PSD3: variants seen among roughly 807,000 people sequenced by gnomAD.
PSD3 encodes PH and SEC7 domain-containing protein 3.
In PSD3, 49 loss-of-function variants were observed where a neutral mutation model predicts 105.5. The ratio of observed to expected loss-of-function variants is 0.46; its 90% CI spans 0.37 to 0.59. The LOEUF is 0.59. Among genes scored for constraint, PSD3 ranks in the 20% least tolerant of loss-of-function variants. The pLI, the probability that PSD3 is intolerant of heterozygous loss-of-function variation, is 0.00. For missense variants in PSD3, 1,561 were observed against 1,263.8 expected (o/e 1.24, Z -3.57); for synonymous variants, 557 against 457.8 (o/e 1.22, Z -2.77).
At chr8:18,570,460 T>C (rs1439910752) in intron 14 of PSD3, among the ~76,000 whole-genome samples, 2 of 140,040 alleles carry the variant, frequency 1.4e-5, no homozygotes, top group African/African-American at 2.7e-5. Context: ...AAACACAAAA[T>C]TGACAAATGG....
chr8:19,073,588 G>T, intron 1 of PSD3, among the ~76,000 whole-genome samples: 1 of 133,852 alleles, frequency 7.5e-6, no homozygotes, highest in South Asian at 2.3e-4. Flanking sequence ...AAAAAAGATA[G>T]GCCTAAGAGG....
chr8:18,859,340 G>C (rs1361361643), intron 4 of PSD3, among the ~76,000 whole-genome samples: 2 of 150,080 alleles, frequency 1.3e-5, no homozygotes, highest in African/African-American at 4.9e-5. Flanking sequence ...TCCATTCCTA[G>C]AGCACAGGCA....
In PSD3 at chr8:19,083,445, C is replaced by T. The variant is rs573615578; in HGVS notation, c.324+761G>A. On this transcript the variant is annotated intron_variant, in intron 1 of 1. Coordinates refer to the PSD3 transcript ENST00000521475. ...AGCCCGTAGAGCTGGAAACAGGAGC[C>T]CACAGAGCTGGAAAAGACCTTGGAG... 2.0e-5 allele frequency among the ~76,000 whole-genome samples: 3 copies of T among 152,268 alleles called. No individual in the cohort carries two copies. In the South Asian group the frequency reaches 6.2e-4, roughly 32 times the overall value.
At chr8:19,067,288 T>C (rs902791846) in intron 1 of PSD3, among the ~76,000 whole-genome samples, 1 of 152,160 alleles carries the variant, frequency 6.6e-6, no homozygotes, top group African/African-American at 2.4e-5. Context: ...TGGTACAGTA[T>C]GTTCATATCT....
chr8:18,612,602 C>T (rs1470938131), intron 11 of PSD3, among the ~76,000 whole-genome samples: 2 of 152,098 alleles, frequency 1.3e-5, no homozygotes, highest in Non-Finnish European at 2.9e-5. Context: ...GATCTCCTGA[C>T]CTCGTGATCC....
chr8:18,867,032 C>T (rs1816995231), intron 4 of PSD3, among the ~76,000 whole-genome samples: 1 of 152,094 alleles, frequency 6.6e-6, no homozygotes, highest in African/African-American at 2.4e-5. Flanking sequence ...AAATAACAGG[C>T]ATGGTGGATA....
chr8:18,616,341 G>C (rs1367001162), intron 11 of PSD3, among the ~76,000 whole-genome samples: 1 of 152,220 alleles, frequency 6.6e-6, no homozygotes, highest in East Asian at 1.9e-4. Context: ...TGGCCTTTCA[G>C]AGGCCCTGCA....
At chr8:18,586,500 A>T (rs577121423) in intron 12 of PSD3, among the ~76,000 whole-genome samples, 26 of 152,316 alleles carry the variant, frequency 1.7e-4, no homozygotes, top group African/African-American at 6.3e-4. Flanking sequence ...CTGATGAGCA[A>T]CTAATAATGA....
rs201941378 is a variant in PSD3 at position 18,770,419 on chromosome 8, GTCTTT to G, written c.2083-4886_2083-4882del. The stretch of plus-strand genomic sequence containing the variant: ...AAAAATATCTTTTCCCATTCTGTGG[GTCTTT>G]TCATTTTTTTCCTTTCACTTTCTTG... On this transcript the variant is annotated intron_variant, in intron 8 of 15. Transcript: ENST00000327040. Among the ~76,000 whole-genome samples, 271 of 151,936 alleles carry G rather than the reference GTCTTT, an allele frequency of 1.8e-3. 5 individuals are homozygous for G. The South Asian group carries it at 0.02, about 11-fold the overall frequency.
intron 2 of PSD3, among the ~76,000 whole-genome samples, chr8:18,902,088 A>G (rs1477611020): frequency 6.6e-6 from 1 of 152,194 alleles, no homozygotes; most frequent in African/African-American, 2.4e-5. Context: ...CTAGATGTCC[A>G]TATCTCTCCC....
intron 11 of PSD3, among the ~76,000 whole-genome samples, chr8:18,622,663 T>C (rs1806198651): frequency 6.6e-6 from 1 of 152,210 alleles, no homozygotes; most frequent in Non-Finnish European, 1.5e-5. Context: ...AATGGTGAAA[T>C]AATTACCACA....
At chr8:18,891,520 G>GT (rs1447690900) in intron 2 of PSD3, among the ~76,000 whole-genome samples, 2 of 151,922 alleles carry the variant, frequency 1.3e-5, no homozygotes, top group Non-Finnish European at 2.9e-5. Flanking sequence ...CTAACCTACA[G>GT]TATCCATTCA....
chr8:18,990,348 C>T (rs1411246126), intron 1 of PSD3, among the ~76,000 whole-genome samples: 1 of 152,198 alleles, frequency 6.6e-6, no homozygotes, highest in Non-Finnish European at 1.5e-5. Context: ...ATTCCTACCG[C>T]TCCACCCACT....
At chr8:18,576,765 G>C (rs1223440202) in intron 12 of PSD3, among the ~76,000 whole-genome samples, 1 of 152,048 alleles carries the variant, frequency 6.6e-6, no homozygotes, top group Non-Finnish European at 1.5e-5. Flanking sequence ...GGAATGAGGA[G>C]AAATGATGAG....
At chr8:18,780,800 T>C (rs939371818) in intron 8 of PSD3, among the ~76,000 whole-genome samples, 7 of 152,138 alleles carry the variant, frequency 4.6e-5, no homozygotes, top group African/African-American at 1.4e-4. Flanking sequence ...ATGATCCGCC[T>C]GCCTTGGCCT....
chr8:18,732,217 C>A (rs760684667), intron 9 of PSD3, among the ~76,000 whole-genome samples: 10 of 151,992 alleles, frequency 6.6e-5, no homozygotes, highest in Non-Finnish European at 1.0e-4. Flanking sequence ...GAAATAGCGA[C>A]TGAAGAATGC....
intron 1 of PSD3, among the ~76,000 whole-genome samples, chr8:19,043,602 G>A (rs185841226): frequency 2.0e-5 from 3 of 152,332 alleles, no homozygotes; most frequent in Non-Finnish European, 2.9e-5. Context: ...TTATGCTGAA[G>A]TTAAATTGCC....
chr8:19,042,814 G>A (rs541213239), intron 1 of PSD3, among the ~76,000 whole-genome samples: 1 of 152,072 alleles, frequency 6.6e-6, no homozygotes. Flanking sequence ...TTTAATTGAA[G>A]TACTTATGAA....
intron 1 of PSD3, among the ~76,000 whole-genome samples, chr8:19,007,586 G>A (rs539636947): frequency 3.3e-5 from 5 of 152,116 alleles, no homozygotes; most frequent in Admixed American, 6.5e-5. Context: ...TGAGTTCTTA[G>A]GTACTGTAGT....
Sources: gnomAD v4.1 joint callset for allele counts (sites outside exome capture counted in the v4.1 genomes callset) on GRCh38, gnomAD v4.1.1 for gene constraint, MANE v1.5 for transcripts, NCBI Gene and HGNC (gene_info 2026-07-23, HGNC 2026-07-21) for gene names.